The following MYRIP variants were observed in gnomAD, a reference collection of about 807,000 sequenced individuals.
MYRIP encodes the protein myosin VIIA and Rab interacting protein.
MYRIP carries 49 observed loss-of-function variants against 98.0 expected under a neutral mutation model. The ratio of observed to expected loss-of-function variants is 0.50; its 90% CI spans 0.40 to 0.63. MYRIP has a LOEUF of 0.63. MYRIP is among the 30% of genes least tolerant of loss of function. MYRIP has a pLI of 0.00. For synonymous variants in MYRIP, 404 were observed against 409.5 expected, an observed-to-expected ratio of 0.99 and a Z score of 0.16; for missense variants, 1,004 against 1,058.2, an observed-to-expected ratio of 0.95 and a Z score of 0.71.
rs114624937 is a variant in MYRIP, at chr3:39,885,018, T to C, written c.-30-15769T>C. 3.9e-3 allele frequency among the ~76,000 whole-genome samples: 584 copies of C among 148,812 alleles called. 2 individuals are homozygous for C. Among genetic ancestry groups the C allele is most frequent in the African/African-American group, 0.014 (563 of 40,670 alleles). On this transcript the variant is annotated intron_variant, in intron 1 of 16. Transcript: ENST00000302541. Reference sequence around the variant, plus strand: ...AATTTACATTCCTAATAGCAATGTATGAAAGTGCCTATTTCCTCATAGACT... The same window carrying C: ...AATTTACATTCCTAATAGCAATGTACGAAAGTGCCTATTTCCTCATAGACT...
intron 8 of MYRIP, among the ~76,000 whole-genome samples, chr3:40,179,785 C>T (rs1950845102): frequency 6.6e-6 from 1 of 152,162 alleles, no homozygotes; most frequent in African/African-American, 2.4e-5. Context: ...AGTCAGTGCA[C>T]AACGATAACA....
At position 40,202,906 on chromosome 3, in the gene MYRIP, CTTATTTATTTATTTAT is replaced by C. The variant is rs35758632; in HGVS notation, c.1666-6921_1666-6906del. Among the ~76,000 whole-genome samples the C allele has an allele frequency of 2.4e-4, 34 of 142,512 alleles. No individual in the cohort carries two copies. The East Asian group carries it at 2.5e-3, about 11-fold the overall frequency. The allele number at this position is 142,512 out of a possible 152,430, so 93.5% of individuals were successfully genotyped here. Reference sequence around the variant, plus strand: ...ATCCCCATCACCTCACCTCCATTTACTTATTTATTTATTTATTTATTTATTTATTTATTTATTTATT... The same window carrying C: ...ATCCCCATCACCTCACCTCCATTTACTTATTTATTTATTTATTTATTTATT... On this transcript the variant is annotated intron_variant, in intron 10 of 16. Coordinates refer to ENST00000302541, the MANE Select transcript of MYRIP (RefSeq NM_015460.4).
At chr3:39,878,203 G>T (rs145492068) in intron 1 of MYRIP, among the ~76,000 whole-genome samples, 1 of 152,176 alleles carries the variant, frequency 6.6e-6, no homozygotes, top group South Asian at 2.1e-4. Flanking sequence ...TCGGAGAAGC[G>T]CAGTATTAGG....
At position 40,080,734 on chromosome 3, in the gene MYRIP, AC is replaced by A. The variant is rs1353159490; in HGVS notation, c.332+36465del. On this transcript the variant is annotated intron_variant, in intron 3 of 16. Transcript: ENST00000302541. ...AGTTATCTTTTTCTCTTTTCAAAAA[AC>A]CAATTTCTGACTTGCTAGATTCTCT... Among the ~76,000 whole-genome samples, 4 of 150,338 alleles carry A rather than the reference AC, an allele frequency of 2.7e-5. No individual in the cohort carries two copies. The East Asian group carries it at 7.8e-4, about 29-fold the overall frequency.
intron 3 of MYRIP, among the ~76,000 whole-genome samples, chr3:40,052,981 G>C (rs1156465634): frequency 6.6e-6 from 1 of 152,084 alleles, no homozygotes; most frequent in Non-Finnish European, 1.5e-5. Context: ...ATGATATTAG[G>C]AGTAATCATT....
At chr3:40,221,325 T>C (rs1952331498) in intron 11 of MYRIP, among the ~76,000 whole-genome samples, 1 of 152,168 alleles carries the variant, frequency 6.6e-6, no homozygotes, top group African/African-American at 2.4e-5. Flanking sequence ...ATGCCACTTT[T>C]GCCTAATAAA....
chr3:39,899,879 G>T (rs1336564492), intron 1 of MYRIP, among the ~76,000 whole-genome samples: 2 of 152,146 alleles, frequency 1.3e-5, no homozygotes, highest in Non-Finnish European at 2.9e-5. Flanking sequence ...GGAGTGCACT[G>T]GCGCGATCTC....
chr3:39,939,002 A>T lies in MYRIP; in HGVS notation c.110+38076A>T, dbSNP rs960603498. On this transcript the variant is annotated intron_variant, in intron 2 of 16. Transcript: ENST00000302541. The stretch of plus-strand genomic sequence containing the variant: ...TAGAAGATGCTTCATTTCCTGAGTG[A>T]TGACCCACACCGTCCAGCCCTGGCC... Among the ~76,000 whole-genome samples, 7 of 152,234 alleles carry T rather than the reference A, an allele frequency of 4.6e-5. No individual in the cohort carries two copies. In the East Asian group the frequency reaches 9.7e-4, roughly 21 times the overall value.
At chr3:40,006,641 C>T (rs1194363346) in intron 2 of MYRIP, among the ~76,000 whole-genome samples, 1 of 152,116 alleles carries the variant, frequency 6.6e-6, no homozygotes, top group African/African-American at 2.4e-5. Context: ...TGATTGAGCA[C>T]CTTCTCTTCC....
Position 40,044,240 on chromosome 3 carries a change from G to T in MYRIP, c.301G>T (p.Ala101Ser), listed in dbSNP as rs751407337. 4.3e-5 allele frequency: 69 copies of T among 1,614,058 alleles called. 2 individuals are homozygous for T. In the South Asian group the frequency reaches 7.4e-4, roughly 17 times the overall value. Residue 101 changes from alanine to serine, a missense_variant, in exon 3 of 17, where the codon GCC (alanine) becomes TCC (serine). Around this residue, in one of 3 missense-constraint regions of MYRIP, gnomAD observed 880 missense variants for 907.7 expected, o/e 0.97. Transcript: ENST00000302541. ...SCCSYQKHEK[A>S]WVCCVCQQAR... is the part of the protein sequence containing the mutation. Reference sequence around the variant, plus strand: ...CTGCTCCTACCAGAAGCACGAAAAGGCCTGGGTCTGCTGCGTCTGCCAGCA... The same window carrying T: ...CTGCTCCTACCAGAAGCACGAAAAGTCCTGGGTCTGCTGCGTCTGCCAGCA...
intron 11 of MYRIP, among the ~76,000 whole-genome samples, chr3:40,230,359 G>A (rs911609617): frequency 6.6e-6 from 1 of 152,148 alleles, no homozygotes; most frequent in East Asian, 1.9e-4. Flanking sequence ...CTCCCTGTCA[G>A]CCACCTCTGA....
intron 2 of MYRIP, among the ~76,000 whole-genome samples, chr3:39,988,736 G>C (rs1345776380): frequency 6.6e-6 from 1 of 150,566 alleles, no homozygotes; most frequent in Non-Finnish European, 1.5e-5. Flanking sequence ...CTCTAATCTT[G>C]TCTGCATGCC....
chr3:39,951,872 T>G (rs1945024873), intron 2 of MYRIP, among the ~76,000 whole-genome samples: 3 of 152,188 alleles, frequency 2.0e-5, no homozygotes, highest in Admixed American at 2.0e-4. Flanking sequence ...TCAGTTGCTA[T>G]GATGTTTTTC....
intron 3 of MYRIP, among the ~76,000 whole-genome samples, chr3:40,044,801 T>C (rs898588188): frequency 2.6e-5 from 4 of 152,180 alleles, no homozygotes; most frequent in East Asian, 3.9e-4. Context: ...GAAAGCTTCA[T>C]AGAGGACAAG....
At chr3:40,212,470 G>A (rs187800322) in intron 11 of MYRIP, among the ~76,000 whole-genome samples, 3 of 152,120 alleles carry the variant, frequency 2.0e-5, no homozygotes, top group Admixed American at 6.5e-5. Flanking sequence ...GGATTAGACT[G>A]AGTTTGAAGC....
At chr3:40,066,030 G>A (rs549787803) in intron 3 of MYRIP, among the ~76,000 whole-genome samples, 1 of 152,162 alleles carries the variant, frequency 6.6e-6, no homozygotes. Context: ...AGGAAAAATA[G>A]GCCTTGCTGT....
chr3:40,126,757 T>C (rs1949533390), intron 3 of MYRIP, among the ~76,000 whole-genome samples: 1 of 152,216 alleles, frequency 6.6e-6, no homozygotes. Flanking sequence ...GGTCCCTGTA[T>C]CCAAGGAACT....
chr3:40,189,692 T>C (rs1488601270), intron 9 of MYRIP, 134 bp from the exon 10 acceptor site: 2 of 951,244 alleles, frequency 2.1e-6, no homozygotes, highest in African/African-American at 3.3e-5. Flanking sequence ...GGGTTTGCCT[T>C]CCTGGGCTTC....
At chr3:40,072,064 T>C (rs1485944975) in intron 3 of MYRIP, among the ~76,000 whole-genome samples, 2 of 152,166 alleles carry the variant, frequency 1.3e-5, no homozygotes, top group South Asian at 2.1e-4. Context: ...TTTGGTTGTG[T>C]GATTTTTCTG....
Sources: allele counts gnomAD v4.1 joint callset (sites outside exome capture counted in the v4.1 genomes callset), GRCh38; gene constraint gnomAD v4.1.1; regional missense constraint gnomAD v4.1.1; transcripts MANE v1.5; gene names NCBI Gene and HGNC (gene_info 2026-07-23, HGNC 2026-07-21).